The following GNPTG variants were observed in gnomAD, a reference collection of about 807,000 sequenced individuals.
The protein encoded by GNPTG is N-acetylglucosamine-1-phosphotransferase subunit gamma.
Under a neutral mutation model 43.8 loss-of-function variants are expected in GNPTG, and 46 were observed. The ratio of observed to expected loss-of-function variants is 1.05; its 90% CI spans 0.83 to 1.34. The LOEUF is 1.34. Ranked by LOEUF, GNPTG falls within the 40% of genes most tolerant of loss-of-function variation. The pLI, the probability that GNPTG is intolerant of heterozygous loss-of-function variation, is 0.00. For missense variants in GNPTG, 549 were observed against 411.3 expected (o/e 1.33, Z -2.90); for synonymous variants, 250 against 172.8 (o/e 1.45, Z -3.50).
Position 1,351,975 on chromosome 16 carries a change from G to GGGCTGGCGC in GNPTG, c.15_23dup (p.Ala6_Leu8dup), listed in dbSNP as rs1195696340. On this transcript the variant is annotated inframe_insertion, in exon 1 of 11. Coordinates refer to ENST00000204679, the MANE Select transcript of GNPTG (RefSeq NM_032520.5). ...CGGCCGCTGCGGCGCGATGGCGGCG[G>GGGCTGGCGC]GGCTGGCGCGGCTCCTGTTGCTCCT... 17 of 1,362,744 alleles carry GGGCTGGCGC rather than the reference G, an allele frequency of 1.2e-5. No individual in the cohort carries two copies. Among genetic ancestry groups the GGGCTGGCGC allele is most frequent in the Non-Finnish European group, 1.6e-5 (17 of 1,059,636 alleles). 84.4% of individuals were successfully genotyped at this position (1,362,744 alleles called of 1,614,324 possible).
intron 9 of GNPTG, 36 bp downstream of exon 9, chr16:1,362,778 C>T: frequency 6.2e-7 from 1 of 1,614,078 alleles, no homozygotes; most frequent in Non-Finnish European, 8.5e-7. Flanking sequence ...CACGCAGTAG[C>T]CCTCCAGCAC....
chr16:1,352,162 G>C lies in GNPTG; in HGVS notation c.110+3G>C. The C allele has an allele frequency of 6.3e-7, 1 of 1,575,244 alleles. No individual in the cohort carries two copies. The highest frequency in any genetic ancestry group is 2.3e-5 in the East Asian group (1 of 42,758). The stretch of plus-strand genomic sequence containing the variant: ...GTGGAGGAGCCCAACGCGTTTGGGT[G>C]AGCAGCCTCGCGGGCTGGCGGCTCG... On this transcript the variant is annotated splice_donor_region_variant and intron_variant, in intron 2 of 10. Transcript: ENST00000204679.
At position 1,363,017 on chromosome 16, in the gene GNPTG, T is replaced by TC; in HGVS notation, c.844_845insC (p.Leu282SerfsTer17). 6.2e-7 allele frequency: 1 copy of TC among 1,614,074 alleles called. No homozygotes were observed. The highest frequency in any genetic ancestry group is 2.2e-5 in the East Asian group (1 of 44,862). On this transcript the variant is annotated frameshift_variant, in exon 11 of 11. Coordinates refer to ENST00000204679, the MANE Select transcript of GNPTG (RefSeq NM_032520.5). LOFTEE classifies it low-confidence loss of function (END_TRUNC). Reference sequence around the variant, plus strand: ...GGCAGAAACTTCCAACTTGGAGCACTTGGGCCACGAGACGCCCAGAGCCAA... The same window carrying TC: ...GGCAGAAACTTCCAACTTGGAGCACTCTGGGCCACGAGACGCCCAGAGCCAA...
At chr16:1,359,135 C>T (rs1179721843) in intron 3 of GNPTG, among the ~76,000 whole-genome samples, 5 of 152,146 alleles carry the variant, frequency 3.3e-5, no homozygotes, top group Admixed American at 1.3e-4. Context: ...GGATTCCCGG[C>T]TTCTCTGCCC....
chr16:1,362,612 G>A lies in GNPTG; in HGVS notation c.611G>A (p.Gly204Asp). The change falls in exon 9 of 11, where the codon GGC (glycine) becomes GAC (aspartate). Residue 204 changes from glycine (G) to aspartate (D), a missense_variant and splice_region_variant. By Grantham distance (94) the Gly-to-Asp change is moderately conservative. Coordinates refer to ENST00000204679, the MANE Select transcript of GNPTG (RefSeq NM_032520.5). ...DLADELITPQ[G>D]HEKLLRTLFE... is the part of the protein sequence containing the mutation. Reference sequence around the variant, plus strand: ...TGCCCCTGCATCCTCCACCTTCAGGGCCATGAGAAGTTGCTGAGGACACTT... The same window carrying A: ...TGCCCCTGCATCCTCCACCTTCAGGACCATGAGAAGTTGCTGAGGACACTT... 1.2e-6 allele frequency: 2 copies of A among 1,614,206 alleles called. No homozygotes were observed. Among genetic ancestry groups the A allele is most frequent in the Non-Finnish European group, 1.7e-6 (2 of 1,180,052 alleles).
chr16:1,363,617 G>C lies in GNPTG; in HGVS notation c.*526G>C, dbSNP rs1470251580. 9.9e-6 allele frequency: 2 copies of C among 201,364 alleles called. No homozygotes were observed. The highest frequency in any genetic ancestry group is 4.7e-5 in the African/African-American group (2 of 42,312). The allele number at this position is 201,364 out of a possible 1,614,324, so 12.5% of individuals were successfully genotyped here. A position where few individuals can be genotyped will look rare whatever the true frequency, so the allele number is the denominator to read the frequency against. ...GCCATGGCCACAGGGGGGAGCTGCT[G>C]GGCGCGCCTCCACCTCAGCCTCCAC... On this transcript the variant is annotated 3_prime_UTR_variant, in exon 11 of 11. Transcript: ENST00000204679.
chr16:1,353,715 A>C (rs571023993), intron 3 of GNPTG, among the ~76,000 whole-genome samples: 5 of 152,196 alleles, frequency 3.3e-5, no homozygotes, highest in African/African-American at 1.2e-4. Flanking sequence ...GTAGAGATGG[A>C]AGTCTCACTA....
intron 3 of GNPTG, 39 bp from the exon 4 acceptor site, chr16:1,361,704 G>A (rs748167959): frequency 2.5e-6 from 4 of 1,611,098 alleles, no homozygotes; most frequent in South Asian, 1.1e-5. Flanking sequence ...GACAGGTTCT[G>A]TGCTTGGACC....
intron 3 of GNPTG, among the ~76,000 whole-genome samples, chr16:1,352,823 G>A (rs994674609): frequency 6.6e-5 from 10 of 152,122 alleles, no homozygotes; most frequent in African/African-American, 2.4e-4. Context: ...GTTCTGTGGA[G>A]AACATGCTGT....
In GNPTG at chr16:1,362,205, G is replaced by A; in HGVS notation, c.412-1G>A. Reference sequence around the variant, plus strand: ...CCCACCTACCCACGTTCCCTCCCCAGGTGGAGCTGGCGTGTGGAAAAAGCA... The same window carrying A: ...CCCACCTACCCACGTTCCCTCCCCAAGTGGAGCTGGCGTGTGGAAAAAGCA... On this transcript the variant is annotated splice_acceptor_variant, in intron 6 of 10. Transcript: ENST00000204679. LOFTEE classifies it high-confidence loss of function. The A allele has an allele frequency of 1.9e-6, 3 of 1,613,576 alleles. No individual in the cohort carries two copies. The highest frequency in any genetic ancestry group is 1.7e-5 in the Admixed American group (1 of 60,026).
Position 1,362,631 on chromosome 16 carries a change from GAC to G in GNPTG, c.633_634del (p.Leu212PhefsTer2). 3.1e-6 allele frequency: 5 copies of G among 1,614,172 alleles called. No individual in the cohort carries two copies. Among genetic ancestry groups the G allele is most frequent in the Non-Finnish European group, 4.2e-6 (5 of 1,180,028 alleles). On this transcript the variant is annotated frameshift_variant, in exon 9 of 11. Transcript: ENST00000204679. LOFTEE classifies it high-confidence loss of function. ...TTCAGGGCCATGAGAAGTTGCTGAG[GAC>G]ACTTTTTGAGGATGCTGGCTACTTA... ...TPQGHEKLLR[T>X]LFEDAGYLKT...
intron 3 of GNPTG, among the ~76,000 whole-genome samples, chr16:1,359,435 ATTT>A (rs2034833270): frequency 6.6e-6 from 1 of 150,582 alleles, no homozygotes; most frequent in African/African-American, 2.4e-5. Flanking sequence ...CGCCTGGCTA[ATTT>A]TTTTGTACTT....
intron 3 of GNPTG, among the ~76,000 whole-genome samples, chr16:1,359,404 G>A (rs1463872534): frequency 6.6e-6 from 1 of 152,112 alleles, no homozygotes; most frequent in Non-Finnish European, 1.5e-5. Flanking sequence ...GAGTAGCTGG[G>A]ACTGCAGGCA....
At position 1,363,107 on chromosome 16, in the gene GNPTG, G is replaced by A; in HGVS notation, c.*16G>A. Reference sequence around the variant, plus strand: ...GAGTTTGTGACCTTGTGGTGGGAGAGCAGAGGTGGACGCGGCCGAGAGCCC... The same window carrying A: ...GAGTTTGTGACCTTGTGGTGGGAGAACAGAGGTGGACGCGGCCGAGAGCCC... On this transcript the variant is annotated 3_prime_UTR_variant, in exon 11 of 11. Coordinates refer to ENST00000204679, the MANE Select transcript of GNPTG (RefSeq NM_032520.5). 1 of 1,612,014 alleles carries A rather than the reference G, an allele frequency of 6.2e-7. No homozygotes were observed. Among genetic ancestry groups the A allele is most frequent in the Admixed American group, 1.7e-5 (1 of 59,866 alleles).
At chr16:1,356,070 TGGGA>T (rs1469843373) in intron 3 of GNPTG, among the ~76,000 whole-genome samples, 4 of 151,190 alleles carry the variant, frequency 2.6e-5, no homozygotes, top group African/African-American at 9.8e-5. Context: ...GGGAGCAGCG[TGGGA>T]GGGAGGACCA....
rs1403943515 is a variant in GNPTG, at chr16:1,364,063, A to C, written c.*972A>C. 1 of 152,260 alleles carries C rather than the reference A, an allele frequency of 6.6e-6. No homozygotes were observed. The highest frequency in any genetic ancestry group is 1.5e-5 in the Non-Finnish European group (1 of 68,052). The allele number at this position is 152,260 out of a possible 1,614,324, so 9.4% of individuals were successfully genotyped here. On this transcript the variant is annotated 3_prime_UTR_variant, in exon 11 of 11. Transcript: ENST00000204679. ...TATCCCAGAAAAGACCAGAGGCTCCAAATGGGAACCAAGTGCATAAATACA... is the reference window on the plus strand; with the variant it reads ...TATCCCAGAAAAGACCAGAGGCTCCCAATGGGAACCAAGTGCATAAATACA...
chr16:1,363,691 CTGAGGCCATGGCCACCAAGACAGGTGAG>C lies in GNPTG; in HGVS notation c.*601_*628del, dbSNP rs2035016653. ...TGCCTCAGCCACCTAGGAGCCATCCCTGAGGCCATGGCCACCAAGACAGGTGAGGGAGGCCCCAGGGCACACAGCCCCA... is the reference window on the plus strand; with the variant it reads ...TGCCTCAGCCACCTAGGAGCCATCCCGGAGGCCCCAGGGCACACAGCCCCA... On this transcript the variant is annotated 3_prime_UTR_variant, in exon 11 of 11. Transcript: ENST00000204679. 1 of 170,308 alleles carries C rather than the reference CTGAGGCCATGGCCACCAAGACAGGTGAG, an allele frequency of 5.9e-6. No individual in the cohort carries two copies. The highest frequency in any genetic ancestry group is 1.4e-4 in the South Asian group (1 of 7,260). The allele number at this position is 170,308 out of a possible 1,614,324, so 10.5% of individuals were successfully genotyped here.
intron 3 of GNPTG, among the ~76,000 whole-genome samples, chr16:1,354,158 AC>A (rs2034731614): frequency 6.7e-6 from 1 of 149,156 alleles, no homozygotes; most frequent in Non-Finnish European, 1.5e-5. Flanking sequence ...TCGGGCCACC[AC>A]CTATCCCAAG....
intron 3 of GNPTG, among the ~76,000 whole-genome samples, chr16:1,352,931 G>A (rs964801419): frequency 6.6e-6 from 1 of 150,662 alleles, no homozygotes; most frequent in African/African-American, 2.4e-5. Context: ...TTTAAACGCT[G>A]AATGAGTATT....
Sources: gnomAD v4.1 joint callset for allele counts (sites outside exome capture counted in the v4.1 genomes callset) on GRCh38, gnomAD v4.1.1 for gene constraint, MANE v1.5 for transcripts, NCBI Gene and HGNC (gene_info 2026-07-23, HGNC 2026-07-21) for gene names.